Variants in MAN2A1 observed in about 807,000 individuals in gnomAD.
MAN2A1 encodes mannosidase alpha class 2A member 1.
MAN2A1 carries 76 observed loss-of-function variants against 142.6 expected under a neutral mutation model. The ratio of observed to expected loss-of-function variants is 0.53; its 90% confidence interval spans 0.44 to 0.65. The LOEUF is 0.65. Among genes scored for constraint, MAN2A1 ranks in the 30% least tolerant of loss-of-function variants. The pLI, the probability that MAN2A1 is intolerant of heterozygous loss-of-function variation, is 0.00. For missense variants in MAN2A1, 1,311 were observed against 1,365.1 expected, an observed-to-expected ratio of 0.96 and a Z score of 0.62; for synonymous variants, 559 against 473.2, an observed-to-expected ratio of 1.18 and a Z score of -2.35.
intron 5 of MAN2A1, among the ~76,000 whole-genome samples, chr5:109,765,045 A>G (rs1429192878): frequency 6.6e-6 from 1 of 152,114 alleles, no homozygotes; most frequent in Non-Finnish European, 1.5e-5. Context: ...TTTATACGTA[A>G]ATATAATAAA....
chr5:109,734,837 T>G (rs1031127635), intron 4 of MAN2A1, among the ~76,000 whole-genome samples: 2 of 152,162 alleles, frequency 1.3e-5, no homozygotes, highest in Non-Finnish European at 2.9e-5. Context: ...CTGAAAAAAA[T>G]GTATATTCTG....
At chr5:109,744,821 A>G (rs2112611279) in intron 4 of MAN2A1, among the ~76,000 whole-genome samples, 1 of 152,312 alleles carries the variant, frequency 6.6e-6, no homozygotes, top group East Asian at 1.9e-4. Context: ...ATTTTCATAC[A>G]GGCTTTTTCC....
chr5:109,775,606 C>T lies in MAN2A1; in HGVS notation c.1374+641C>T, dbSNP rs1260141157. 3.9e-5 allele frequency among the ~76,000 whole-genome samples: 6 copies of T among 151,986 alleles called. No homozygotes were observed. In the East Asian group the frequency reaches 9.6e-4, roughly 24 times the overall value. On this transcript the variant is annotated intron_variant, in intron 8 of 21. Transcript: ENST00000261483. Reference sequence around the variant, plus strand: ...CTTCAACTCAAGACCACTCTTGTTTCAGCCATGCCACACTGCTGTCTCACT... The same window carrying T: ...CTTCAACTCAAGACCACTCTTGTTTTAGCCATGCCACACTGCTGTCTCACT...
In MAN2A1 at chr5:109,823,756, G is replaced by A; in HGVS notation, c.2485G>A (p.Val829Met). Residue 829 changes from valine to methionine, a missense_variant, in exon 16 of 22, where the codon GTG becomes ATG. By Grantham distance (21) the Val-to-Met change is conservative. This residue lies in a region of MAN2A1 where 890 missense variants were observed against 920.5 expected (regional missense o/e 0.97). Transcript: ENST00000261483. ...TTACACAACACCGCCCTTTGTCAGA[G>A]TGACACATGGAAGGATTTATTCGGA... ...YVYTTPPFVR[V>M]THGRIYSEVT... 1 of 1,608,640 alleles carries A rather than the reference G, an allele frequency of 6.2e-7. No homozygotes were observed. Among genetic ancestry groups the A allele is most frequent in the Non-Finnish European group, 8.5e-7 (1 of 1,177,298 alleles).
intron 1 of MAN2A1, among the ~76,000 whole-genome samples, chr5:109,709,229 C>T (rs570405865): frequency 1.2e-4 from 19 of 152,256 alleles, no homozygotes; most frequent in Non-Finnish European, 2.6e-4. Flanking sequence ...TTCAACCTTA[C>T]GAAATTGGTG....
chr5:109,767,502 A>T (rs759462153), intron 5 of MAN2A1, 33 bp from the exon 6 acceptor site: 15 of 1,573,770 alleles, frequency 9.5e-6, no homozygotes, highest in Middle Eastern at 1.7e-4. Context: ...TATATCAATT[A>T]AAAAAATTAA....
chr5:109,857,780 G>A (rs1467425827), intron 20 of MAN2A1, among the ~76,000 whole-genome samples: 1 of 152,158 alleles, frequency 6.6e-6, no homozygotes, highest in African/African-American at 2.4e-5. Context: ...CAGACACTGA[G>A]CATTCAGGTC....
chr5:109,781,683 A>G (rs1753462463), intron 9 of MAN2A1, 85 bp downstream of exon 9: 1 of 859,952 alleles, frequency 1.2e-6, no homozygotes, highest in Admixed American at 3.1e-5. Context: ...AATATACATC[A>G]TTCATGTAGT....
intron 3 of MAN2A1, among the ~76,000 whole-genome samples, chr5:109,720,441 C>G (rs1257848973): frequency 6.6e-6 from 1 of 151,912 alleles, no homozygotes; most frequent in African/African-American, 2.4e-5. Flanking sequence ...ATTATGTATC[C>G]TCTAAAAAAG....
At chr5:109,820,520 G>A (rs548662529) in intron 15 of MAN2A1, among the ~76,000 whole-genome samples, 178 bp downstream of exon 15, 8 of 152,306 alleles carry the variant, frequency 5.3e-5, no homozygotes, top group African/African-American at 1.7e-4. Context: ...TCGAAAGTTA[G>A]ATAAATGGTT....
intron 10 of MAN2A1, among the ~76,000 whole-genome samples, chr5:109,786,378 C>A (rs1356141358): frequency 1.3e-5 from 2 of 152,014 alleles, no homozygotes; most frequent in African/African-American, 4.8e-5. Context: ...CGCCCACTTG[C>A]TATCTCTGGC....
At chr5:109,784,105 C>G (rs1582893703) in intron 9 of MAN2A1, among the ~76,000 whole-genome samples, 1 of 152,082 alleles carries the variant, frequency 6.6e-6, no homozygotes, top group African/African-American at 2.4e-5. Flanking sequence ...CCTTGGTCTC[C>G]CAAGATGCTA....
chr5:109,802,040 A>G (rs1019876644), intron 12 of MAN2A1, among the ~76,000 whole-genome samples: 17 of 152,114 alleles, frequency 1.1e-4, no homozygotes, highest in African/African-American at 4.1e-4. Flanking sequence ...TTCAGTGACA[A>G]ATTTACTTTG....
chr5:109,830,581 T>C (rs1033032505), intron 16 of MAN2A1, among the ~76,000 whole-genome samples: 2 of 152,206 alleles, frequency 1.3e-5, no homozygotes, highest in Non-Finnish European at 2.9e-5. Context: ...TTTATTTTCA[T>C]AAAAAGATTC....
chr5:109,849,537 C>T (rs1755427617), intron 19 of MAN2A1, among the ~76,000 whole-genome samples: 1 of 152,070 alleles, frequency 6.6e-6, no homozygotes, highest in African/African-American at 2.4e-5. Context: ...AGAGTAATTG[C>T]CATCACCTAT....
intron 16 of MAN2A1, among the ~76,000 whole-genome samples, chr5:109,832,097 T>C (rs1754921858): frequency 6.6e-6 from 1 of 151,058 alleles, no homozygotes; most frequent in Non-Finnish European, 1.5e-5. Context: ...TTTTTATTTA[T>C]ATAAATATCA....
chr5:109,710,878 C>T (rs1010355390), intron 1 of MAN2A1, among the ~76,000 whole-genome samples: 11 of 152,184 alleles, frequency 7.2e-5, no homozygotes, highest in East Asian at 3.9e-4. Context: ...TTAGTAGAGA[C>T]GGGGTTTCTC....
chr5:109,834,661 G>A (rs747965354), intron 16 of MAN2A1, among the ~76,000 whole-genome samples: 2 of 152,006 alleles, frequency 1.3e-5, no homozygotes, highest in African/African-American at 2.4e-5. Flanking sequence ...ATAAGTTATT[G>A]GTAAGTAATA....
At chr5:109,764,255 T>C (rs542809427) in intron 5 of MAN2A1, among the ~76,000 whole-genome samples, 1 of 152,336 alleles carries the variant, frequency 6.6e-6, no homozygotes, top group Admixed American at 6.5e-5. Flanking sequence ...TTCTAATTTT[T>C]AAACCTATTA....
Sources: allele counts gnomAD v4.1 joint callset (sites outside exome capture counted in the v4.1 genomes callset), GRCh38; gene constraint gnomAD v4.1.1; regional missense constraint gnomAD v4.1.1; transcripts MANE v1.5; gene names NCBI Gene and HGNC (gene_info 2026-07-23, HGNC 2026-07-21).